COL5A2: variants seen among roughly 807,000 people sequenced by gnomAD.
COL5A2 encodes collagen alpha-2(V) chain.
COL5A2 carries 23 observed loss-of-function variants against 208.2 expected under a neutral mutation model. The ratio of observed to expected loss-of-function variants is 0.11; its 90% CI spans 0.08 to 0.16. COL5A2 has a LOEUF of 0.16. Ranked by LOEUF, COL5A2 falls within the 10% of genes least tolerant of loss-of-function variation. The pLI, the probability that COL5A2 is intolerant of heterozygous loss-of-function variation, is 1.00. For missense variants in COL5A2, 1,590 were observed against 1,956.4 expected (o/e 0.81, Z 3.53); for synonymous variants, 625 against 628.5 (o/e 0.99, Z 0.08).
chr2:189,219,109 C>G (rs1040616896), intron 1 of COL5A2, among the ~76,000 whole-genome samples: 1 of 152,118 alleles, frequency 6.6e-6, no homozygotes, highest in Non-Finnish European at 1.5e-5. Flanking sequence ...AGCTAGTGTT[C>G]CAATAACAAA....
the COL5A2 span, among the ~76,000 whole-genome samples, chr2:189,410,125 C>T: frequency 6.6e-6 from 1 of 152,048 alleles, no homozygotes; most frequent in Non-Finnish European, 1.5e-5. Flanking sequence ...ACCAGTGATA[C>T]TAAAAGCTAG....
intron 1 of COL5A2, among the ~76,000 whole-genome samples, chr2:189,131,868 AAG>A (rs1687722370): frequency 6.6e-6 from 1 of 152,206 alleles, no homozygotes; most frequent in Non-Finnish European, 1.5e-5. Flanking sequence ...AGAGGAGAAA[AAG>A]AAATTATACG....
At chr2:189,195,466 T>A (rs1040353761) in intron 1 of COL5A2, among the ~76,000 whole-genome samples, 14 of 152,116 alleles carry the variant, frequency 9.2e-5, no homozygotes, top group Admixed American at 8.5e-4. Flanking sequence ...AAAAATTACT[T>A]TAAACTTCAT....
the COL5A2 span, among the ~76,000 whole-genome samples, chr2:189,301,579 T>C: frequency 1.3e-5 from 2 of 152,168 alleles, no homozygotes; most frequent in Non-Finnish European, 2.9e-5. Context: ...GACTATCATG[T>C]TATTAAAGAT....
the COL5A2 span, among the ~76,000 whole-genome samples, chr2:189,321,633 G>A: frequency 6.6e-6 from 1 of 152,152 alleles, no homozygotes; most frequent in Admixed American, 6.6e-5. Context: ...AAATATATAT[G>A]CACCCAATAC....
At chr2:189,296,361 C>A in the COL5A2 span, among the ~76,000 whole-genome samples, 1 of 151,980 alleles carries the variant, frequency 6.6e-6, no homozygotes, top group Non-Finnish European at 1.5e-5. Flanking sequence ...TAAATTTATT[C>A]TTTTATGTAG....
the COL5A2 span, among the ~76,000 whole-genome samples, chr2:189,420,809 T>C: frequency 1.3e-5 from 2 of 152,128 alleles, no homozygotes; most frequent in South Asian, 2.1e-4. Flanking sequence ...TCTGTTTCCA[T>C]AAGATTTCCC....
At chr2:189,333,800 T>C in the COL5A2 span, among the ~76,000 whole-genome samples, 1 of 152,102 alleles carries the variant, frequency 6.6e-6, no homozygotes, top group South Asian at 2.1e-4. Context: ...GACACACTGA[T>C]GTCAGACTTC....
chr2:189,077,471 A>G (rs1400984970), intron 16 of COL5A2, among the ~76,000 whole-genome samples: 2 of 152,216 alleles, frequency 1.3e-5, no homozygotes, highest in East Asian at 1.9e-4. Flanking sequence ...TAGTGCTGAC[A>G]TGGGAGACAG....
At chr2:189,406,535 T>C in the COL5A2 span, among the ~76,000 whole-genome samples, 107 of 152,250 alleles carry the variant, frequency 7.0e-4, 1 homozygote, top group African/African-American at 2.6e-3. Flanking sequence ...TTCTTCTCCC[T>C]GCTAAGCTTC....
intron 26 of COL5A2, among the ~76,000 whole-genome samples, 162 bp downstream of exon 26, chr2:189,063,818 C>T (rs866734750): frequency 1.3e-5 from 2 of 152,150 alleles, no homozygotes; most frequent in South Asian, 2.1e-4. Context: ...TTTTTGTCAA[C>T]TTGAAAATAG....
the COL5A2 span, among the ~76,000 whole-genome samples, chr2:189,340,310 C>T: frequency 1.3e-5 from 2 of 152,296 alleles, no homozygotes; most frequent in East Asian, 3.9e-4. Context: ...GAATTAGAGT[C>T]AAGACTTATA....
chr2:189,299,668 C>A, the COL5A2 span, among the ~76,000 whole-genome samples: 4 of 152,064 alleles, frequency 2.6e-5, no homozygotes, highest in African/African-American at 9.7e-5. Flanking sequence ...TTATGCTGTT[C>A]CTGGGCTGAT....
At chr2:189,076,751 T>A (rs533543760) in intron 16 of COL5A2, among the ~76,000 whole-genome samples, 1 of 152,188 alleles carries the variant, frequency 6.6e-6, no homozygotes, top group Admixed American at 6.6e-5. Context: ...GGAGTCGGAT[T>A]CTGAGATTTG....
At chr2:189,150,170 C>A (rs1688116843) in intron 1 of COL5A2, among the ~76,000 whole-genome samples, 1 of 152,144 alleles carries the variant, frequency 6.6e-6, no homozygotes, top group Non-Finnish European at 1.5e-5. Flanking sequence ...AACTAACAGG[C>A]TCACAGTCTA....
chr2:189,033,740 T>C lies in COL5A2; in HGVS notation c.*330A>G, dbSNP rs1685385868. The C allele has an allele frequency of 3.0e-6, 1 of 336,952 alleles. No homozygotes were observed. The highest frequency in any genetic ancestry group is 3.0e-5 in the South Asian group (1 of 32,794). The allele number at this position is 336,952 out of a possible 1,614,324, so 20.9% of individuals were successfully genotyped here. A position where few individuals can be genotyped will look rare whatever the true frequency, so the allele number is the denominator to read the frequency against. On this transcript the variant is annotated 3_prime_UTR_variant, in exon 54 of 54. Coordinates refer to ENST00000374866, the MANE Select transcript of COL5A2 (RefSeq NM_000393.5). Reference sequence around the variant, plus strand: ...AATTTCCTCATAAATACTAAGCAACTTTTTCATTACACTGAAATAAATTGA... The same window carrying C: ...AATTTCCTCATAAATACTAAGCAACCTTTTCATTACACTGAAATAAATTGA...
At chr2:189,417,329 A>T in the COL5A2 span, among the ~76,000 whole-genome samples, 1 of 152,138 alleles carries the variant, frequency 6.6e-6, no homozygotes, top group Non-Finnish European at 1.5e-5. Context: ...AAATTTCTGG[A>T]ATCTATTTCT....
chr2:189,430,057 T>A, the COL5A2 span, among the ~76,000 whole-genome samples: 1 of 152,192 alleles, frequency 6.6e-6, no homozygotes, highest in Non-Finnish European at 1.5e-5. Context: ...TGCTTTGAAG[T>A]TGCTCTCAAA....
At chr2:189,179,989 G>A (rs2105832436), upstream of COL5A2, 4 of 418,242 alleles carry the variant, frequency 9.6e-6, no homozygotes, top group East Asian at 1.4e-4. Context: ...ACAAACATTT[G>A]TTTCTCTTTT....
Sources: allele counts gnomAD v4.1 joint callset (sites outside exome capture counted in the v4.1 genomes callset), GRCh38; gene constraint gnomAD v4.1.1; transcripts MANE v1.5; gene names NCBI Gene and HGNC (gene_info 2026-07-23, HGNC 2026-07-21).